STAC: variants seen among roughly 807,000 people sequenced by gnomAD.
STAC encodes the protein SH3 and cysteine-rich domain-containing protein.
Under a neutral mutation model 48.8 loss-of-function variants are expected in STAC, and 43 were observed. The ratio of observed to expected loss-of-function variants is 0.88; its 90% CI spans 0.69 to 1.14. The LOEUF is 1.14. Ranked by LOEUF, STAC falls within the 50% of genes most tolerant of loss-of-function variation. STAC has a pLI of 0.00. For synonymous variants in STAC, 193 were observed against 179.5 expected (o/e 1.07, Z -0.60); for missense variants, 497 against 504.0 (o/e 0.99, Z 0.13).
chr3:36,425,814 C>T (rs144870323), intron 1 of STAC, among the ~76,000 whole-genome samples: 1,782 of 152,248 alleles, frequency 0.012, 11 homozygotes, highest in Middle Eastern at 0.034. Flanking sequence ...ATGGCTTGAG[C>T]TCAGGAGTTT....
intron 10 of STAC, 101 bp from the exon 11 acceptor site, chr3:36,546,090 T>C (rs2125508131): frequency 1.1e-6 from 1 of 905,066 alleles, no homozygotes; most frequent in South Asian, 1.5e-5. Flanking sequence ...TTCCAGTTTG[T>C]TGCTCCTGCA....
intron 1 of STAC, among the ~76,000 whole-genome samples, chr3:36,441,322 CAT>C (rs780626641): frequency 6.6e-6 from 1 of 152,126 alleles, no homozygotes; most frequent in Non-Finnish European, 1.5e-5. Flanking sequence ...TTAGCTTCCA[CAT>C]ATGAGTGAGA....
chr3:36,412,966 T>G (rs2125636465), intron 1 of STAC, among the ~76,000 whole-genome samples: 1 of 152,336 alleles, frequency 6.6e-6, no homozygotes, highest in East Asian at 1.9e-4. Context: ...TTGTTCAGTT[T>G]CCATGTAGTT....
intron 2 of STAC, among the ~76,000 whole-genome samples, chr3:36,454,142 C>T (rs550305767): frequency 1.3e-5 from 2 of 152,240 alleles, no homozygotes; most frequent in South Asian, 2.1e-4. Flanking sequence ...AGTAGCAACC[C>T]GCTCGGATCC....
intron 5 of STAC, among the ~76,000 whole-genome samples, chr3:36,489,219 G>A (rs533610625): frequency 2.0e-5 from 3 of 152,174 alleles, no homozygotes; most frequent in South Asian, 2.1e-4. Context: ...TCTAGGTCCC[G>A]TTCCTTATTC....
chr3:36,534,070 T>C (rs929543280), intron 10 of STAC, among the ~76,000 whole-genome samples: 1 of 152,224 alleles, frequency 6.6e-6, no homozygotes, highest in African/African-American at 2.4e-5. Context: ...TTTAGTGTCC[T>C]AAGTTATTTT....
chr3:36,513,851 G>T (rs951485301), intron 8 of STAC, among the ~76,000 whole-genome samples: 11 of 151,960 alleles, frequency 7.2e-5, no homozygotes, highest in African/African-American at 1.5e-4. Flanking sequence ...GGAGCAAAAG[G>T]GGGGGAGGGG....
intron 1 of STAC, among the ~76,000 whole-genome samples, chr3:36,413,680 G>A (rs925853279): frequency 6.6e-6 from 1 of 152,046 alleles, no homozygotes; most frequent in African/African-American, 2.4e-5. Flanking sequence ...TTACATTTAA[G>A]GTTAATATTG....
chr3:36,530,452 C>T (rs766583568), intron 10 of STAC, among the ~76,000 whole-genome samples: 2 of 152,050 alleles, frequency 1.3e-5, no homozygotes, highest in Non-Finnish European at 2.9e-5. Context: ...AAAATTATAG[C>T]TATTTGTAAT....
intron 8 of STAC, 64 bp from the exon 9 acceptor site, chr3:36,528,632 G>A: frequency 1.5e-6 from 2 of 1,313,200 alleles, no homozygotes; most frequent in Non-Finnish European, 2.1e-6. Flanking sequence ...GATTACTCCT[G>A]ACTTTAAAGT....
intron 2 of STAC, among the ~76,000 whole-genome samples, chr3:36,447,062 G>A (rs1001556208): frequency 1.1e-4 from 16 of 152,266 alleles, no homozygotes; most frequent in African/African-American, 3.9e-4. Context: ...AAGCAGGAGA[G>A]GCAGGCTAAG....
chr3:36,392,160 C>G (rs1052968443), intron 1 of STAC, among the ~76,000 whole-genome samples: 4 of 152,204 alleles, frequency 2.6e-5, no homozygotes, highest in Admixed American at 2.6e-4. Flanking sequence ...AGGCCCCTTC[C>G]TCTCATAGTT....
At chr3:36,418,891 T>C (rs1700379896) in intron 1 of STAC, among the ~76,000 whole-genome samples, 1 of 151,676 alleles carries the variant, frequency 6.6e-6, no homozygotes, top group African/African-American at 2.4e-5. Context: ...CTACTAAAAA[T>C]ACAAAATTAG....
chr3:36,398,328 A>C lies in STAC; in HGVS notation c.111+17574A>C, dbSNP rs865837072. Among the ~76,000 whole-genome samples, 441 of 115,616 alleles carry C rather than the reference A, an allele frequency of 3.8e-3. 3 individuals are homozygous for C. Among genetic ancestry groups the C allele is most frequent in the Middle Eastern group, 0.013 (3 of 228 alleles). 75.8% of individuals were successfully genotyped at this position (115,616 alleles called of 152,430 possible). ...GAAAGAAAGAAAGAAAGCAAGAAAG[A>C]AAGAAAGAAAGAAAGAAAGAAAGAA... On this transcript the variant is annotated intron_variant, in intron 1 of 10. Transcript: ENST00000273183.
At position 36,469,668 on chromosome 3, in the gene STAC, T is replaced by C. The variant is rs117436351; in HGVS notation, c.389-13324T>C. 1.7e-3 allele frequency among the ~76,000 whole-genome samples: 255 copies of C among 152,330 alleles called. 7 individuals are homozygous for C. In the East Asian group the frequency reaches 0.042, roughly 25 times the overall value. On this transcript the variant is annotated intron_variant, in intron 2 of 10. Transcript: ENST00000273183. ...TTTTCCTTGATTATTCCCTCAAATA[T>C]GCTTTCTAAACTTGTAGATTTCTCT...
intron 6 of STAC, among the ~76,000 whole-genome samples, chr3:36,496,050 G>A (rs138266174): frequency 1.5e-4 from 23 of 152,198 alleles, no homozygotes; most frequent in African/African-American, 5.1e-4. Context: ...CTAAGTCACA[G>A]AGTAGTACAC....
intron 2 of STAC, among the ~76,000 whole-genome samples, chr3:36,457,235 G>A (rs769309892): frequency 2.0e-5 from 3 of 152,198 alleles, no homozygotes; most frequent in Non-Finnish European, 2.9e-5. Context: ...AGAGACAGGA[G>A]AGAGGCAGGA....
chr3:36,476,456 C>G (rs1215731281), intron 2 of STAC, among the ~76,000 whole-genome samples: 2 of 152,072 alleles, frequency 1.3e-5, no homozygotes, highest in African/African-American at 4.8e-5. Flanking sequence ...CCTCAAGAGG[C>G]GTGACCCAGC....
intron 1 of STAC, among the ~76,000 whole-genome samples, chr3:36,419,436 A>G (rs1474756871): frequency 2.0e-5 from 3 of 152,248 alleles, no homozygotes; most frequent in African/African-American, 4.8e-5. Flanking sequence ...CAAAAGGCAA[A>G]TGAGTAGAAG....
Sources: allele counts gnomAD v4.1 joint callset (sites outside exome capture counted in the v4.1 genomes callset), GRCh38; gene constraint gnomAD v4.1.1; transcripts MANE v1.5; gene names NCBI Gene and HGNC (gene_info 2026-07-23, HGNC 2026-07-21).